Variants in PRDM11 observed in about 807,000 individuals in gnomAD.
PRDM11 encodes the protein PR/SET domain 11.
In PRDM11, 20 loss-of-function variants were observed where a neutral mutation model predicts 97.8. The observed-to-expected ratio is 0.20, with a 90% confidence interval of 0.14 to 0.30. PRDM11 has a LOEUF of 0.30. Ranked by LOEUF, PRDM11 falls within the 10% of genes least tolerant of loss-of-function variation. PRDM11 has a pLI of 1.00. For missense variants in PRDM11, 1,139 were observed against 1,555.2 expected, an observed-to-expected ratio of 0.73 and a Z score of 4.50; for synonymous variants, 599 against 637.7, an observed-to-expected ratio of 0.94 and a Z score of 0.91.
Position 45,220,859 on chromosome 11 carries a change from C to G in PRDM11, c.742+1102C>G, listed in dbSNP as rs933131754. On this transcript the variant is annotated intron_variant, in intron 6 of 7. Transcript: ENST00000683152. ...CCTTTTATTCCATCCTCATCCTGAC[C>G]AGTGTAGACTGGTGAGTCCAGGCCC... 7.2e-5 allele frequency among the ~76,000 whole-genome samples: 11 copies of G among 152,246 alleles called. No homozygotes were observed. In the South Asian group the frequency reaches 1.2e-3, roughly 17 times the overall value.
At position 45,235,040 on chromosome 11, in the gene PRDM11, G is replaced by T. The variant is rs1005694025; in HGVS notation, c.*6881G>T. ...TATGTTGGTTTATCATAATATGTAC[G>T]CAGAAACTTTCTTTTTGTCATATTA... On this transcript the variant is annotated 3_prime_UTR_variant, in exon 8 of 8. Coordinates refer to ENST00000683152, the MANE Select transcript of PRDM11 (RefSeq NM_001384648.1). The T allele has an allele frequency of 2.0e-5, 3 of 152,162 alleles. No homozygotes were observed. The highest frequency in any genetic ancestry group is 2.9e-5 in the Non-Finnish European group (2 of 68,038). The allele number at this position is 152,162 out of a possible 1,614,324, so 9.4% of individuals were successfully genotyped here.
intron 5 of PRDM11, among the ~76,000 whole-genome samples, chr11:45,207,428 CT>C (rs887122826): frequency 6.9e-6 from 1 of 144,436 alleles, no homozygotes; most frequent in Non-Finnish European, 1.5e-5. Context: ...TTTTGTGCCC[CT>C]GGGGGCATTT....
chr11:45,154,942 T>C (rs574260239), intron 1 of PRDM11, among the ~76,000 whole-genome samples: 1 of 152,144 alleles, frequency 6.6e-6, no homozygotes, highest in East Asian at 1.9e-4. Flanking sequence ...CAGAGAGTGT[T>C]GTTGTAGCCT....
chr11:45,186,661 G>A (rs532553176), intron 4 of PRDM11, among the ~76,000 whole-genome samples: 85 of 152,304 alleles, frequency 5.6e-4, no homozygotes, highest in African/African-American at 1.9e-3. Flanking sequence ...GTGTCAGTGG[G>A]AGGTGAGGAA....
intron 1 of PRDM11, chr11:45,096,008 G>C: frequency 1.4e-6 from 1 of 705,966 alleles, no homozygotes; most frequent in African/African-American, 1.8e-5. Context: ...GCCCCTGCTT[G>C]TTGTCATCTT....
At chr11:45,201,003 G>A (rs554543486) in intron 4 of PRDM11, among the ~76,000 whole-genome samples, 1 of 152,296 alleles carries the variant, frequency 6.6e-6, no homozygotes, top group Admixed American at 6.5e-5. Flanking sequence ...TGATGGTGAT[G>A]GTGATGGTGA....
intron 1 of PRDM11, among the ~76,000 whole-genome samples, chr11:45,119,474 C>CA (rs1224061569): frequency 1.3e-5 from 2 of 151,794 alleles, no homozygotes; most frequent in East Asian, 3.9e-4. Context: ...ATAAAAAATA[C>CA]AAAAAATTAG....
At chr11:45,141,782 C>T (rs1489241123), upstream of PRDM11, among the ~76,000 whole-genome samples, 1 of 152,210 alleles carries the variant, frequency 6.6e-6, no homozygotes, top group Non-Finnish European at 1.5e-5. Flanking sequence ...TGTCCATGAT[C>T]CATGCTTCTA....
chr11:45,187,792 A>G (rs1350387292), intron 4 of PRDM11, among the ~76,000 whole-genome samples: 3 of 140,200 alleles, frequency 2.1e-5, no homozygotes, highest in Admixed American at 7.1e-5. Context: ...GTGGCTCAAG[A>G]AAAGTTCGTG....
In PRDM11 at chr11:45,227,764, G is replaced by T. The variant is rs1288400680; in HGVS notation, c.3139G>T (p.Asp1047Tyr). The T allele has an allele frequency of 2.0e-6, 3 of 1,533,760 alleles. No individual in the cohort carries two copies. In the Admixed American group the frequency reaches 5.9e-5, roughly 30 times the overall value. ...LLMEWRELKA[D>Y]YYTKNGFKDL... ...GATGGAGTGGCGAGAACTCAAGGCT[G>T]ATTACTACACCAAAAATGGCTTCAA... Residue 1047 changes from aspartate to tyrosine, a missense_variant, in exon 8 of 8, where the codon GAT becomes TAT. Asp to Tyr is a radical substitution (Grantham distance 160). Coordinates refer to ENST00000683152, the MANE Select transcript of PRDM11 (RefSeq NM_001384648.1). This position sits in a 1 kb window ranked among gnomAD's most constrained non-coding sequence, Gnocchi z 8.0.
chr11:45,181,010 T>C lies in PRDM11; in HGVS notation c.-6-751T>C, dbSNP rs1852475563. ...GGGGTGTGGCCAGCGGGGCCCCGGG[T>C]AGTGAGTCACACACGCCGCTCGCCC... On this transcript the variant is annotated intron_variant, in intron 1 of 7. Coordinates refer to ENST00000683152, the MANE Select transcript of PRDM11 (RefSeq NM_001384648.1). Among the ~76,000 whole-genome samples the C allele has an allele frequency of 2.6e-5, 4 of 152,016 alleles. No homozygotes were observed. The South Asian group carries it at 8.3e-4, about 31-fold the overall frequency.
chr11:45,161,356 G>A lies in PRDM11; in HGVS notation c.-7+14479G>A, dbSNP rs891398609. 4.6e-5 allele frequency among the ~76,000 whole-genome samples: 7 copies of A among 152,206 alleles called. No individual in the cohort carries two copies. In the East Asian group the frequency reaches 7.7e-4, roughly 17 times the overall value. ...TGGTGACGGCTTTGTCCCGCTGTCC[G>A]CTAACATCCTGGTGGAGGCTGCTGC... On this transcript the variant is annotated intron_variant, in intron 1 of 7. Coordinates refer to ENST00000683152, the MANE Select transcript of PRDM11 (RefSeq NM_001384648.1).
intron 1 of PRDM11, among the ~76,000 whole-genome samples, chr11:45,110,622 C>T (rs1259750956): frequency 1.3e-5 from 2 of 152,228 alleles, no homozygotes; most frequent in African/African-American, 2.4e-5. Context: ...CCCGGCGCAA[C>T]GACCTCACCA....
Position 45,226,990 on chromosome 11 carries a change from A to AAGC in PRDM11, c.2369_2371dup (p.Gln790dup). 1 of 1,533,914 alleles carries AAGC rather than the reference A, an allele frequency of 6.5e-7. No homozygotes were observed. The highest frequency in any genetic ancestry group is 8.7e-7 in the Non-Finnish European group (1 of 1,146,730). On this transcript the variant is annotated inframe_insertion, in exon 8 of 8. Coordinates refer to ENST00000683152, the MANE Select transcript of PRDM11 (RefSeq NM_001384648.1). ...CCTGGAGGAGCTGGAGAACAACCTGAAGCAGCTGCTGAGCTTCTACCGCTA... is the reference window on the plus strand; with the variant it reads ...CCTGGAGGAGCTGGAGAACAACCTGAAGCAGCAGCTGCTGAGCTTCTACCGCTA...
intron 5 of PRDM11, among the ~76,000 whole-genome samples, chr11:45,209,890 G>A (rs571885331): frequency 2.0e-5 from 3 of 152,324 alleles, no homozygotes; most frequent in Middle Eastern, 6.8e-3. Context: ...GAAGTCCAGC[G>A]GACTAGGATG....
chr11:45,224,312 A>G lies in PRDM11; in HGVS notation c.838A>G (p.Lys280Glu), dbSNP rs200043482. 3.7e-6 allele frequency: 6 copies of G among 1,614,178 alleles called. No individual in the cohort carries two copies. In the East Asian group the frequency reaches 1.1e-4, roughly 30 times the overall value. Residue 280 changes from lysine (K) to glutamate (E), a missense_variant, in exon 7 of 8, where the codon AAA (lysine) becomes GAA (glutamate). Physicochemically the swap from Lys to Glu is moderately conservative, Grantham distance 56. This residue lies in a region of PRDM11 where 429 missense variants were observed against 510.3 expected (regional missense o/e 0.84). Transcript: ENST00000683152. ...PIHLSVLRQG[K>E]SPYKRGFDEG... ...TCATCTCTCTGTGCTGAGACAGGGC[A>G]AAAGTCCCTACAAGCGTGGCTTTGA...
intron 1 of PRDM11, 76 bp from the exon 2 acceptor site, chr11:45,181,685 C>A: frequency 7.9e-7 from 1 of 1,259,262 alleles, no homozygotes; most frequent in Non-Finnish European, 1.1e-6. Context: ...CCCCCACTTG[C>A]CCTCTCCGCC....
intron 1 of PRDM11, among the ~76,000 whole-genome samples, chr11:45,131,560 T>G (rs548644012): frequency 6.6e-6 from 1 of 152,216 alleles, no homozygotes; most frequent in Non-Finnish European, 1.5e-5. Context: ...CAAAGATTTG[T>G]GCAGGGTGTT....
chr11:45,145,026 C>A (rs1851476349), upstream of PRDM11, among the ~76,000 whole-genome samples: 1 of 152,102 alleles, frequency 6.6e-6, no homozygotes, highest in African/African-American at 2.4e-5. Flanking sequence ...TGCCTGGCAC[C>A]AAGCAGAGAA....
Sources: allele counts gnomAD v4.1 joint callset (sites outside exome capture counted in the v4.1 genomes callset), GRCh38; gene constraint gnomAD v4.1.1; regional missense constraint gnomAD v4.1.1; non-coding constraint Gnocchi (gnomAD v3.1); transcripts MANE v1.5; gene names NCBI Gene and HGNC (gene_info 2026-07-23, HGNC 2026-07-21).